The following TSC22D2 variants were observed in gnomAD, a reference collection of about 807,000 sequenced individuals.
TSC22D2 encodes TSC22 domain family protein 2.
Under a neutral mutation model 50.1 loss-of-function variants are expected in TSC22D2, and 5 were observed. The observed-to-expected ratio is 0.10, with a 90% CI of 0.05 to 0.21. The LOEUF (loss-of-function observed/expected upper bound fraction) is 0.21, where lower values mean the gene tolerates loss of function less well. Among genes scored for constraint, TSC22D2 ranks in the 10% least tolerant of loss-of-function variants. The probability of loss-of-function intolerance (pLI) is 1.00; values close to 1 mark genes in which losing one functional copy is unlikely to be tolerated. For synonymous variants in TSC22D2, 501 were observed against 450.1 expected, an observed-to-expected ratio of 1.11 and a Z score of -1.43; for missense variants, 1,003 against 1,015.5, an observed-to-expected ratio of 0.99 and a Z score of 0.17.
chr3:150,423,047 A>T (rs754370956), intron 1 of TSC22D2: 7 of 1,612,484 alleles, frequency 4.3e-6, no homozygotes, highest in Middle Eastern at 1.7e-4. Flanking sequence ...CGGATCTCAC[A>T]GGAATCCTTC....
chr3:150,451,478 T>C (rs2108101006), intron 1 of TSC22D2, among the ~76,000 whole-genome samples: 1 of 152,356 alleles, frequency 6.6e-6, no homozygotes, highest in African/African-American at 2.4e-5. Flanking sequence ...AATCTTTGGA[T>C]CCATGCTTAT....
At chr3:150,458,324 C>A in intron 2 of TSC22D2, 52 bp from the exon 3 acceptor site, 1 of 1,568,460 alleles carries the variant, frequency 6.4e-7, no homozygotes, top group Non-Finnish European at 8.6e-7. Flanking sequence ...AACCAGATAG[C>A]ACCACCTTTA....
In TSC22D2 at chr3:150,409,833, T is replaced by C; in HGVS notation, c.483T>C (p.Arg161=). Reference sequence around the variant, plus strand: ...AGCCTCCCACCACATGTAGTTCCCGTTTTCGCGTGATCAAGCTGGACCACG... The same window carrying C: ...AGCCTCCCACCACATGTAGTTCCCGCTTTCGCGTGATCAAGCTGGACCACG... ...PSQPPTTCSS[R]FRVIKLDHGS... The change falls in exon 1 of 3, where the codon CGT becomes CGC. Residue 161 remains arginine, a synonymous_variant. Transcript: ENST00000688009. This position sits in a 1 kb window ranked among gnomAD's most constrained non-coding sequence, Gnocchi z 7.4. 6.2e-7 allele frequency: 1 copy of C among 1,606,534 alleles called. No homozygotes were observed. The highest frequency in any genetic ancestry group is 1.6e-4 in the Middle Eastern group (1 of 6,062).
At chr3:150,454,619 C>T (rs951732778) in intron 1 of TSC22D2, among the ~76,000 whole-genome samples, 1 of 152,104 alleles carries the variant, frequency 6.6e-6, no homozygotes, top group African/African-American at 2.4e-5. Context: ...TTTAACAAGA[C>T]CTCCAGATGA....
intron 1 of TSC22D2, among the ~76,000 whole-genome samples, chr3:150,448,740 T>C (rs540570225): frequency 6.6e-6 from 1 of 152,176 alleles, no homozygotes; most frequent in Non-Finnish European, 1.5e-5. Flanking sequence ...ACGAAGTTTC[T>C]TTAAAATGGC....
rs921565941 is a variant in TSC22D2, at chr3:150,463,772, A to G, written c.*5136A>G. The G allele has an allele frequency of 2.0e-5, 3 of 152,004 alleles. No homozygotes were observed. Among genetic ancestry groups the G allele is most frequent in the African/African-American group, 7.3e-5 (3 of 41,270 alleles). The allele number at this position is 152,004 out of a possible 1,614,324, so 9.4% of individuals were successfully genotyped here. On this transcript the variant is annotated 3_prime_UTR_variant, in exon 3 of 3. Coordinates refer to ENST00000688009, the MANE Select transcript of TSC22D2 (RefSeq NM_001303264.2). Reference sequence around the variant, plus strand: ...CCGCCATGGAATCATCAAATAAGAAAAATAAGACAGATTTTCAGATTGGTG... The same window carrying G: ...CCGCCATGGAATCATCAAATAAGAAGAATAAGACAGATTTTCAGATTGGTG...
rs536162171 is a variant in TSC22D2, at chr3:150,461,165, C to T, written c.*2529C>T. ...TTAAATAATAAGCTTTCCAGTGTAA[C>T]GACAGGAGAAGATACTCAACTCATG... On this transcript the variant is annotated 3_prime_UTR_variant, in exon 3 of 3. Coordinates refer to ENST00000688009, the MANE Select transcript of TSC22D2 (RefSeq NM_001303264.2). The T allele has an allele frequency of 6.6e-4, 100 of 152,178 alleles. No individual in the cohort carries two copies. The highest frequency in any genetic ancestry group is 3.4e-3 in the Middle Eastern group (1 of 294). The allele number at this position is 152,178 out of a possible 1,614,324, so 9.4% of individuals were successfully genotyped here.
intron 2 of TSC22D2, among the ~76,000 whole-genome samples, chr3:150,457,575 G>A (rs1407918190): frequency 6.6e-6 from 1 of 152,164 alleles, no homozygotes; most frequent in African/African-American, 2.4e-5. Flanking sequence ...AGGATCACTT[G>A]AGGCCAGGAG....
At chr3:150,445,493 A>T (rs1037636840) in intron 1 of TSC22D2, among the ~76,000 whole-genome samples, 5 of 152,112 alleles carry the variant, frequency 3.3e-5, no homozygotes, top group Admixed American at 2.6e-4. Flanking sequence ...TGGGTGAAAC[A>T]TAAATATAAA....
intron 1 of TSC22D2, among the ~76,000 whole-genome samples, chr3:150,437,493 GCCAC>G (rs1412214349): frequency 6.6e-6 from 1 of 151,966 alleles, no homozygotes; most frequent in Non-Finnish European, 1.5e-5. Flanking sequence ...TACTGATCCA[GCCAC>G]CCATGCTATA....
intron 1 of TSC22D2, among the ~76,000 whole-genome samples, chr3:150,414,523 G>A (rs1269661558): frequency 6.6e-6 from 1 of 152,078 alleles, no homozygotes; most frequent in Non-Finnish European, 1.5e-5. Flanking sequence ...TGTCATCTGT[G>A]GCCAAAAGAC....
At chr3:150,446,355 A>G (rs1160872757) in intron 1 of TSC22D2, among the ~76,000 whole-genome samples, 1 of 152,118 alleles carries the variant, frequency 6.6e-6, no homozygotes, top group African/African-American at 2.4e-5. Context: ...TGAAAGTGAA[A>G]AATGTAATCC....
At chr3:150,444,228 G>T (rs1436100806) in intron 1 of TSC22D2, among the ~76,000 whole-genome samples, 1 of 152,136 alleles carries the variant, frequency 6.6e-6, no homozygotes, top group African/African-American at 2.4e-5. Context: ...GTTTCTAATA[G>T]TTTAAATAGT....
chr3:150,428,438 G>A (rs1198412696), intron 1 of TSC22D2, among the ~76,000 whole-genome samples: 1 of 151,980 alleles, frequency 6.6e-6, no homozygotes, highest in Non-Finnish European at 1.5e-5. Flanking sequence ...AAACCTCAGG[G>A]CGTGGTTATG....
intron 1 of TSC22D2, among the ~76,000 whole-genome samples, chr3:150,430,843 T>G (rs1164787500): frequency 6.6e-6 from 1 of 152,110 alleles, no homozygotes; most frequent in Non-Finnish European, 1.5e-5. Flanking sequence ...TTTTAGAGAT[T>G]AGACCATTCT....
chr3:150,430,244 C>T (rs10513374), intron 1 of TSC22D2, among the ~76,000 whole-genome samples: 57,629 of 151,690 alleles, frequency 0.38, 11,351 homozygotes, highest in Middle Eastern at 0.54. Context: ...GGGAACATTC[C>T]AGTTAGAGGA....
chr3:150,423,078 TC>T (rs1280527741), intron 1 of TSC22D2: 1 of 1,613,154 alleles, frequency 6.2e-7, no homozygotes, highest in Non-Finnish European at 8.5e-7. Context: ...TACCAAGCGT[TC>T]CATTTGAACA....
At chr3:150,427,769 C>A (rs1000042083) in intron 1 of TSC22D2, among the ~76,000 whole-genome samples, 3 of 151,982 alleles carry the variant, frequency 2.0e-5, no homozygotes, top group South Asian at 4.1e-4. Flanking sequence ...CTTCCTCCCT[C>A]CCTCCCTCTT....
intron 1 of TSC22D2, among the ~76,000 whole-genome samples, chr3:150,455,939 A>ATTTTTTTTTTTTTTTTTTTTTTT (rs1721173583): frequency 6.6e-6 from 1 of 152,102 alleles, no homozygotes; most frequent in African/African-American, 2.4e-5. Context: ...AATTCCAGCT[A>ATTTTTTTTTTTTTTTTTTTTTTT]TTCTTACTAC....
Sources: gnomAD v4.1 joint callset for allele counts (sites outside exome capture counted in the v4.1 genomes callset) on GRCh38, gnomAD v4.1.1 for gene constraint, Gnocchi (gnomAD v3.1) non-coding constraint, MANE v1.5 for transcripts, NCBI Gene and HGNC (gene_info 2026-07-23, HGNC 2026-07-21) for gene names.